The following DIP2A variants were observed in gnomAD, a reference collection of about 807,000 sequenced individuals.
DIP2A encodes disco-interacting protein 2 homolog A.
A neutral mutation model predicts 177.4 loss-of-function variants in DIP2A; 85 were observed. That is an observed-to-expected ratio of 0.48 (90% CI 0.40 to 0.57). DIP2A has a LOEUF of 0.57. Among genes scored for constraint, DIP2A ranks in the 20% least tolerant of loss-of-function variants. DIP2A has a pLI of 0.00. For synonymous variants in DIP2A, 886 were observed against 881.8 expected (o/e 1.00, Z -0.08); for missense variants, 1,791 against 2,100.2 (o/e 0.85, Z 2.88).
chr21:46,552,466 G>C (rs977584860), intron 25 of DIP2A, among the ~76,000 whole-genome samples: 2 of 152,102 alleles, frequency 1.3e-5, no homozygotes, highest in African/African-American at 2.4e-5. Context: ...TTCAGGTTGT[G>C]GGCAGGAATG....
At chr21:46,461,499 C>A (rs1489943660) in intron 1 of DIP2A, among the ~76,000 whole-genome samples, 1 of 152,084 alleles carries the variant, frequency 6.6e-6, no homozygotes, top group Non-Finnish European at 1.5e-5. Flanking sequence ...CCAATGTATT[C>A]ATTATTCCCT....
At chr21:46,574,640 C>T (rs151160314), downstream of DIP2A, among the ~76,000 whole-genome samples, 661 of 152,170 alleles carry the variant, frequency 4.3e-3, 4 homozygotes, top group Non-Finnish European at 7.1e-3. Context: ...ACCAATTCTA[C>T]AGTAATAAAA....
chr21:46,503,956 C>T lies in DIP2A; in HGVS notation c.656-405C>T, dbSNP rs2057840226. On this transcript the variant is annotated intron_variant, in intron 5 of 37. Coordinates refer to ENST00000417564, the MANE Select transcript of DIP2A (RefSeq NM_015151.4). ...GGCCAGGCTGGTCTCGAACCCCTGA[C>T]CTCAGGTGATCTGCCTATGTCAGCC... 2.0e-5 allele frequency among the ~76,000 whole-genome samples: 3 copies of T among 152,192 alleles called. No individual in the cohort carries two copies. The South Asian group carries it at 6.2e-4, about 31-fold the overall frequency.
At chr21:46,559,115 A>AC (rs1276233145) in intron 32 of DIP2A, 1 of 151,908 alleles carries the variant, frequency 6.6e-6, no homozygotes, top group African/African-American at 2.4e-5. Context: ...AAAAAAAAAA[A>AC]AAAAAAAAAC....
intron 11 of DIP2A, 150 bp downstream of exon 11, chr21:46,533,797 C>A: frequency 7.8e-7 from 1 of 1,279,444 alleles, no homozygotes; most frequent in Non-Finnish European, 1.1e-6. Context: ...CGGTTTTCAT[C>A]TGGCTTCATG....
At chr21:46,550,160 C>T in intron 22 of DIP2A, 6 of 866,998 alleles carry the variant, frequency 6.9e-6, no homozygotes, top group Non-Finnish European at 6.7e-6. Flanking sequence ...AATGCACTCT[C>T]ACAGTGATTT....
chr21:46,566,979 T>A (rs749751897), intron 37 of DIP2A, among the ~76,000 whole-genome samples: 1 of 152,238 alleles, frequency 6.6e-6, no homozygotes, highest in South Asian at 2.1e-4. Context: ...TGTTTTTTTA[T>A]CTGTTTCCTT....
intron 1 of DIP2A, among the ~76,000 whole-genome samples, chr21:46,462,271 T>G (rs147952484): frequency 8.5e-4 from 129 of 152,296 alleles, no homozygotes; most frequent in Non-Finnish European, 1.0e-3. Context: ...ATGTGGTGGT[T>G]GTTGTTGACG....
the DIP2A span, among the ~76,000 whole-genome samples, chr21:46,575,800 ATAT>A: frequency 6.6e-6 from 1 of 152,254 alleles, no homozygotes; most frequent in Non-Finnish European, 1.5e-5. Flanking sequence ...GGAAGTCTTA[ATAT>A]TGTTAAGATG....
chr21:46,496,895 C>T (rs1014567101), intron 3 of DIP2A, 93 bp from the exon 4 acceptor site: 3 of 1,318,038 alleles, frequency 2.3e-6, no homozygotes, highest in Non-Finnish European at 3.0e-6. Context: ...TTCCTTTTAC[C>T]CCCACTGAAA....
At chr21:46,536,140 G>C (rs898795300) in intron 13 of DIP2A, among the ~76,000 whole-genome samples, 1 of 152,254 alleles carries the variant, frequency 6.6e-6, no homozygotes, top group African/African-American at 2.4e-5. Flanking sequence ...GAGAAAGGGT[G>C]TTTATAGTAC....
chr21:46,484,776 A>T lies in DIP2A; in HGVS notation c.111A>T (p.Gly37=). The change falls in exon 2 of 38, where the codon GGA becomes GGT. Residue 37 remains glycine (G), a synonymous_variant. Transcript: ENST00000417564. Reference sequence around the variant, plus strand: ...TTTTAGGTGACATCACTCAAAAAGGATATGAAAAGAAAAGGGCAAAGCTGC... The same window carrying T: ...TTTTAGGTGACATCACTCAAAAAGGTTATGAAAAGAAAAGGGCAAAGCTGC... ...ELSEGDITQK[G]YEKKRAKLLA... 1 of 1,580,270 alleles carries T rather than the reference A, an allele frequency of 6.3e-7. No homozygotes were observed. The highest frequency in any genetic ancestry group is 8.6e-7 in the Non-Finnish European group (1 of 1,162,762).
chr21:46,550,800 C>A, intron 23 of DIP2A, 56 bp downstream of exon 23: 4 of 1,573,862 alleles, frequency 2.5e-6, no homozygotes, highest in African/African-American at 1.3e-5. Context: ...AACAGCGGTG[C>A]TTGTGGTTAG....
At chr21:46,484,904 G>GT in intron 2 of DIP2A, 76 bp downstream of exon 2, 1 of 1,392,654 alleles carries the variant, frequency 7.2e-7, no homozygotes, top group South Asian at 1.4e-5. Context: ...TGTTTTTAGA[G>GT]TTTAACATTT....
chr21:46,463,827 G>A (rs1253888462), intron 1 of DIP2A, among the ~76,000 whole-genome samples: 1 of 151,764 alleles, frequency 6.6e-6, no homozygotes, highest in East Asian at 2.0e-4. Flanking sequence ...TCCTGTCTTA[G>A]CCTCCTGAGT....
Position 46,551,921 on chromosome 21 carries a change from C to A in DIP2A, c.3030+17C>A. 1 of 1,585,872 alleles carries A rather than the reference C, an allele frequency of 6.3e-7. No individual in the cohort carries two copies. Among genetic ancestry groups the A allele is most frequent in the Non-Finnish European group, 8.6e-7 (1 of 1,168,334 alleles). Reference sequence around the variant, plus strand: ...AACGCCAAGGTGAGGCAGTGTCACGCCCACGGGGCTTGGAAACACCTGTGG... The same window carrying A: ...AACGCCAAGGTGAGGCAGTGTCACGACCACGGGGCTTGGAAACACCTGTGG... On this transcript the variant is annotated intron_variant, in intron 25 of 37. Transcript: ENST00000417564.
At position 46,498,806 on chromosome 21, in the gene DIP2A, G is replaced by A. The variant is rs776472944; in HGVS notation, c.628G>A (p.Ala210Thr). The change falls in exon 5 of 38, where the codon GCA (alanine) becomes ACA (threonine). Residue 210 changes from alanine (A) to threonine (T), a missense_variant. Ala to Thr is a moderately conservative substitution (Grantham distance 58). Transcript: ENST00000417564. This position sits in a 1 kb window ranked among gnomAD's most constrained non-coding sequence, Gnocchi z 4.3. Reference sequence around the variant, plus strand: ...GGGGGCCGCCGCTACCACTGCACTCGCAGGCCTCGAGGCCCACACCCACAT... The same window carrying A: ...GGGGGCCGCCGCTACCACTGCACTCACAGGCCTCGAGGCCCACACCCACAT... Reference protein sequence around the residue: ...TPGAAATTALAGLEAHTHIDL... With the variant: ...TPGAAATTALTGLEAHTHIDL... The A allele has an allele frequency of 1.5e-5, 24 of 1,613,460 alleles. No individual in the cohort carries two copies. The highest frequency in any genetic ancestry group is 3.3e-5 in the Admixed American group (2 of 59,990).
At chr21:46,490,813 A>G in intron 3 of DIP2A, 94 bp downstream of exon 3, 1 of 1,391,254 alleles carries the variant, frequency 7.2e-7, no homozygotes. Context: ...CCTTTGCCAC[A>G]ATATCTGCCA....
At chr21:46,573,260 G>T (rs541692966), downstream of DIP2A, among the ~76,000 whole-genome samples, 109 of 152,148 alleles carry the variant, frequency 7.2e-4, 1 homozygote, top group Non-Finnish European at 1.4e-3. Context: ...TAGATTAAAT[G>T]GACAGAGATT....
Sources: gnomAD v4.1 joint callset for allele counts (sites outside exome capture counted in the v4.1 genomes callset) on GRCh38, gnomAD v4.1.1 for gene constraint, Gnocchi (gnomAD v3.1) non-coding constraint, MANE v1.5 for transcripts, NCBI Gene and HGNC (gene_info 2026-07-23, HGNC 2026-07-21) for gene names.